Variants in TVP23B observed in about 807,000 individuals in gnomAD.
TVP23B encodes Golgi apparatus membrane protein TVP23 homolog B.
TVP23B carries 10 observed loss-of-function variants against 30.6 expected under a neutral mutation model. The ratio of observed to expected loss-of-function variants is 0.33; its 90% CI spans 0.20 to 0.55. The LOEUF (loss-of-function observed/expected upper bound fraction) is 0.55, where lower values mean the gene tolerates loss of function less well. Among genes scored for constraint, TVP23B ranks in the 20% least tolerant of loss-of-function variants. The pLI is 0.91. For missense variants in TVP23B, 153 were observed against 243.2 expected (o/e 0.63, Z 2.47); for synonymous variants, 67 against 83.1 (o/e 0.81, Z 1.06).
Position 18,781,302 on chromosome 17 carries a change from G to T in TVP23B, c.9G>T (p.Gln3His), listed in dbSNP as rs372218339. The T allele has an allele frequency of 1.7e-4, 274 of 1,579,372 alleles. No homozygotes were observed. The highest frequency in any genetic ancestry group is 2.3e-4 in the Non-Finnish European group (265 of 1,163,736). ...GCTGGCGTAGGGCCGCCATGTTGCA[G>T]CAGGTGAGGGGCTGAGGGCTCGCTG... Reference protein sequence around the residue: MLQQDSNDDTEDV... With the variant: MLHQDSNDDTEDV... The change falls in exon 1 of 7, where the codon CAG becomes CAT. Residue 3 changes from glutamine (Q) to histidine (H), a missense_variant. By Grantham distance (24) the Gln-to-His change is conservative. Transcript: ENST00000307767.
At chr17:18,785,950 A>G (rs1338200206) in intron 1 of TVP23B, among the ~76,000 whole-genome samples, 1 of 152,096 alleles carries the variant, frequency 6.6e-6, no homozygotes, top group African/African-American at 2.4e-5. Flanking sequence ...AGAAGTCCAG[A>G]ATGAGGCTCA....
chr17:18,797,048 A>G (rs2036087558), intron 3 of TVP23B: 1 of 157,856 alleles, frequency 6.3e-6, no homozygotes, highest in Admixed American at 5.9e-5. Context: ...TCTGTTAGTC[A>G]CTGTTGTATT....
rs749256585 is a variant in TVP23B, at chr17:18,790,950, C to CT, written c.151dup (p.Tyr51LeufsTer25). On this transcript the variant is annotated frameshift_variant, in exon 3 of 7. Transcript: ENST00000307767. LOFTEE classifies it high-confidence loss of function. ...TCTTTCGAGTCAGTGCAATCATCGT[C>CT]TATCTTCTCTGTGGGTTGCTCAGCA... The CT allele has an allele frequency of 8.7e-6, 14 of 1,613,306 alleles. No individual in the cohort carries two copies. Among genetic ancestry groups the CT allele is most frequent in the Admixed American group, 1.7e-5 (1 of 59,868 alleles).
In TVP23B at chr17:18,781,183, C is replaced by T. The variant is rs1248664916; in HGVS notation, c.-111C>T. 11 of 1,510,226 alleles carry T rather than the reference C, an allele frequency of 7.3e-6. No individual in the cohort carries two copies. The Admixed American group carries it at 1.3e-4, about 17-fold the overall frequency. 93.6% of individuals were successfully genotyped at this position (1,510,226 alleles called of 1,614,324 possible). A position where few individuals can be genotyped will look rare whatever the true frequency, so the allele number is the denominator to read the frequency against. On this transcript the variant is annotated 5_prime_UTR_variant, in exon 1 of 7. Transcript: ENST00000307767. ...GCGGAAGTGAGGCCGGACTGAGGCT[C>T]TTACAGTGGTCCCTGCTGGCCCTTG...
chr17:18,800,314 ATAGT>A (rs1302750177), intron 5 of TVP23B, among the ~76,000 whole-genome samples: 1 of 152,020 alleles, frequency 6.6e-6, no homozygotes, highest in Non-Finnish European at 1.5e-5. Flanking sequence ...AAGTTTTATA[ATAGT>A]TATCTTTTGA....
intron 1 of TVP23B, among the ~76,000 whole-genome samples, chr17:18,783,471 C>T (rs1308423675): frequency 6.6e-6 from 1 of 152,178 alleles, no homozygotes; most frequent in Non-Finnish European, 1.5e-5. Flanking sequence ...GCCAGGCGGT[C>T]ATTCTACATT....
chr17:18,785,614 C>G (rs1023521403), intron 1 of TVP23B, among the ~76,000 whole-genome samples: 2 of 152,002 alleles, frequency 1.3e-5, no homozygotes, highest in African/African-American at 4.8e-5. Context: ...TGGCTCATGC[C>G]TCTAATCGTA....
chr17:18,786,016 G>C (rs1197961855), intron 1 of TVP23B, among the ~76,000 whole-genome samples: 3 of 152,106 alleles, frequency 2.0e-5, no homozygotes, highest in Non-Finnish European at 2.9e-5. Flanking sequence ...TTCCTTGCCT[G>C]ATGCAGCTTC....
intron 3 of TVP23B, chr17:18,797,087 ATT>A (rs2036087978): frequency 5.9e-6 from 1 of 169,294 alleles, no homozygotes. Flanking sequence ...CTCAGTAAAT[ATT>A]TGTTGAGTAA....
intron 3 of TVP23B, chr17:18,797,212 TG>T (rs1445405353): frequency 8.0e-6 from 2 of 249,440 alleles, no homozygotes; most frequent in Non-Finnish European, 1.6e-5. Flanking sequence ...TTCAGGGATA[TG>T]TAGTTGTAAA....
rs555827257 is a variant in TVP23B at position 18,790,954 on chromosome 17, C to T, written c.154C>T (p.Leu52Phe). 6.2e-7 allele frequency: 1 copy of T among 1,613,228 alleles called. No homozygotes were observed. Among genetic ancestry groups the T allele is most frequent in the East Asian group, 2.2e-5 (1 of 44,844 alleles). The change falls in exon 3 of 7, where the codon CTT (leucine) becomes TTT (phenylalanine). Residue 52 changes from leucine (L) to phenylalanine (F), a missense_variant. By Grantham distance (22) the Leu-to-Phe change is conservative (BLOSUM62 0). This residue lies in a region of TVP23B where 53 missense variants were observed against 128.0 expected (regional missense o/e 0.41). Coordinates refer to ENST00000307767, the MANE Select transcript of TVP23B (RefSeq NM_016078.6). ...TCGAGTCAGTGCAATCATCGTCTATCTTCTCTGTGGGTTGCTCAGCAGCAG... is the reference window on the plus strand; with the variant it reads ...TCGAGTCAGTGCAATCATCGTCTATTTTCTCTGTGGGTTGCTCAGCAGCAG... ...FFRVSAIIVY[L>F]LCGLLSSSFI...
chr17:18,796,884 A>G (rs757397809), intron 3 of TVP23B: 2 of 152,466 alleles, frequency 1.3e-5, no homozygotes, highest in Admixed American at 6.5e-5. Context: ...TCAGAGAGTC[A>G]TTTTCTGATA....
At chr17:18,790,078 CA>C (rs533376694) in intron 2 of TVP23B, among the ~76,000 whole-genome samples, 215 of 152,176 alleles carry the variant, frequency 1.4e-3, no homozygotes, top group African/African-American at 4.9e-3. Context: ...GATGGTTGTA[CA>C]AATCTGTGAA....
chr17:18,785,624 A>G (rs1366064708), intron 1 of TVP23B, among the ~76,000 whole-genome samples: 1 of 152,126 alleles, frequency 6.6e-6, no homozygotes, highest in Non-Finnish European at 1.5e-5. Context: ...CTCTAATCGT[A>G]GCACTTTGGG....
chr17:18,787,413 A>C lies in TVP23B; in HGVS notation c.13-1940A>C, dbSNP rs1193792097. ...GCAAGACTCTGTCTCAAAAAAAAAA[A>C]AAAAAACCTTGTCTTCTAGGTCCTC... On this transcript the variant is annotated intron_variant, in intron 1 of 6. Transcript: ENST00000307767. 6.7e-5 allele frequency among the ~76,000 whole-genome samples: 10 copies of C among 150,172 alleles called. No homozygotes were observed. The East Asian group carries it at 1.6e-3, about 24-fold the overall frequency.
chr17:18,805,944 T>C lies in TVP23B; in HGVS notation c.*377T>C. 2 of 992,820 alleles carry C rather than the reference T, an allele frequency of 2.0e-6. No individual in the cohort carries two copies. Among genetic ancestry groups the C allele is most frequent in the East Asian group, 9.1e-5 (1 of 10,978 alleles). 61.5% of individuals were successfully genotyped at this position (992,820 alleles called of 1,614,324 possible). ...AACATAGGAGGATGTTCTTAGTCTG[T>C]CTCAAAGCTCTATATGTTTACATAT... is the stretch of plus-strand genomic sequence containing the variant. On this transcript the variant is annotated 3_prime_UTR_variant, in exon 7 of 7. Coordinates refer to ENST00000307767, the MANE Select transcript of TVP23B (RefSeq NM_016078.6).
intron 1 of TVP23B, among the ~76,000 whole-genome samples, chr17:18,782,994 C>G (rs1448714327): frequency 2.0e-5 from 3 of 149,966 alleles, no homozygotes; most frequent in Non-Finnish European, 4.4e-5. Context: ...TGGAGTTGTT[C>G]AGGTTCACAT....
chr17:18,791,420 A>G (rs892958640), intron 3 of TVP23B, among the ~76,000 whole-genome samples: 1 of 147,828 alleles, frequency 6.8e-6, no homozygotes, highest in African/African-American at 2.5e-5. Flanking sequence ...TAATTTCTAG[A>G]TAAGGCCCCA....
At chr17:18,785,003 T>C (rs1443424664) in intron 1 of TVP23B, among the ~76,000 whole-genome samples, 1 of 152,216 alleles carries the variant, frequency 6.6e-6, no homozygotes, top group East Asian at 1.9e-4. Context: ...TCCCTTAAAA[T>C]GTACTTGGAA....
Sources: allele counts gnomAD v4.1 joint callset (sites outside exome capture counted in the v4.1 genomes callset), GRCh38; gene constraint gnomAD v4.1.1; regional missense constraint gnomAD v4.1.1; transcripts MANE v1.5; gene names NCBI Gene and HGNC (gene_info 2026-07-23, HGNC 2026-07-21).